Variants in SYT7 observed in about 807,000 individuals in gnomAD.
SYT7 encodes the protein synaptotagmin-7.
A neutral mutation model predicts 75.1 loss-of-function variants in SYT7; 29 were observed. The observed-to-expected ratio is 0.39, with a 90% CI of 0.29 to 0.53. The LOEUF (loss-of-function observed/expected upper bound fraction) is 0.53, where lower values mean the gene tolerates loss of function less well. Ranked by LOEUF, SYT7 falls within the 20% of genes least tolerant of loss-of-function variation. The pLI is 0.77. For synonymous variants in SYT7, 376 were observed against 401.7 expected (o/e 0.94, Z 0.76); for missense variants, 693 against 953.2 (o/e 0.73, Z 3.59).
At chr11:61,539,088 G>C (rs2062966470) in intron 6 of SYT7, among the ~76,000 whole-genome samples, 1 of 152,338 alleles carries the variant, frequency 6.6e-6, no homozygotes, top group East Asian at 1.9e-4. Context: ...TTGGAGAAGA[G>C]GTCCAGAAGG....
intron 6 of SYT7, chr11:61,540,379 G>A (rs913859244): frequency 6.4e-5 from 29 of 449,770 alleles, no homozygotes; most frequent in South Asian, 1.9e-4. Flanking sequence ...GGCAAATTAC[G>A]GCCCACGAGC....
At position 61,546,771 on chromosome 11, in the gene SYT7, C is replaced by A; in HGVS notation, c.347+406G>T. ...CACCACCGCCACGAACCACCGACCA[C>A]CGACCACCGACCACCGAGCAGCCAC... On this transcript the variant is annotated intron_variant, in intron 4 of 12. Coordinates refer to ENST00000539008, the MANE Select transcript of SYT7 (RefSeq NM_001365809.2). The surrounding 1 kb of genome is among the most constrained non-coding windows in gnomAD (Gnocchi z 7.6). The A allele has an allele frequency of 2.6e-6, 1 of 390,926 alleles. No individual in the cohort carries two copies. The highest frequency in any genetic ancestry group is 5.0e-6 in the Non-Finnish European group (1 of 200,028). The allele number at this position is 390,926 out of a possible 1,614,324, so 24.2% of individuals were successfully genotyped here.
At position 61,551,326 on chromosome 11, in the gene SYT7, C is replaced by A; in HGVS notation, c.215+58G>T. ...CTGTGGGGCTGGGGGAGAGAAGGGG[C>A]TCCTCCCACCTGGGCTGCTTGTGTG... On this transcript the variant is annotated intron_variant, in intron 3 of 12. Coordinates refer to ENST00000539008, the MANE Select transcript of SYT7 (RefSeq NM_001365809.2). The surrounding 1 kb of genome is among the most constrained non-coding windows in gnomAD (Gnocchi z 5.3). The A allele has an allele frequency of 6.5e-7, 1 of 1,530,036 alleles. No homozygotes were observed. The highest frequency in any genetic ancestry group is 9.0e-7 in the Non-Finnish European group (1 of 1,107,448). The allele number at this position is 1,530,036 out of a possible 1,614,324, so 94.8% of individuals were successfully genotyped here.
At chr11:61,566,831 T>C (rs1458390343) in intron 1 of SYT7, among the ~76,000 whole-genome samples, 1 of 152,228 alleles carries the variant, frequency 6.6e-6, no homozygotes, top group African/African-American at 2.4e-5. Context: ...GTATGCTATG[T>C]TTCATTTGAG....
At chr11:61,528,559 T>C (rs1420850963) in intron 8 of SYT7, among the ~76,000 whole-genome samples, 1 of 152,020 alleles carries the variant, frequency 6.6e-6, no homozygotes, top group African/African-American at 2.4e-5. Context: ...CCTCCCTGCC[T>C]TCTTGTGACA....
At position 61,542,374 on chromosome 11, in the gene SYT7, G is replaced by A; in HGVS notation, c.778C>T (p.Pro260Ser). 6.5e-6 allele frequency: 10 copies of A among 1,530,732 alleles called. No homozygotes were observed. Among genetic ancestry groups the A allele is most frequent in the South Asian group, 1.2e-5 (1 of 83,764 alleles). The allele number at this position is 1,530,732 out of a possible 1,614,324, so 94.8% of individuals were successfully genotyped here. A position where few individuals can be genotyped will look rare whatever the true frequency, so the allele number is the denominator to read the frequency against. The change falls in exon 6 of 13, where the codon CCA becomes TCA. Residue 260 changes from proline to serine, a missense_variant. By Grantham distance (74) the Pro-to-Ser change is moderately conservative. Around this residue, in one of 2 missense-constraint regions of SYT7, gnomAD observed 487 missense variants for 593.2 expected, o/e 0.82. Transcript: ENST00000539008. The surrounding 1 kb of genome is among the most constrained non-coding windows in gnomAD (Gnocchi z 7.8). ...CCATAGGCCCGGGGGTTGGGGCCTGGTGCCGAGGCCATGTGGGCCTGCAGC... is the reference window on the plus strand; with the variant it reads ...CCATAGGCCCGGGGGTTGGGGCCTGATGCCGAGGCCATGTGGGCCTGCAGC... ...GQLQAHMASAPGPNPRAYGRG... is the reference protein window; with the variant it reads ...GQLQAHMASASGPNPRAYGRG...
At chr11:61,534,761 C>T (rs774469693) in intron 7 of SYT7, among the ~76,000 whole-genome samples, 1 of 152,058 alleles carries the variant, frequency 6.6e-6, no homozygotes, top group African/African-American at 2.4e-5. Context: ...AACACGGAAA[C>T]GCCCACTCCA....
In SYT7 at chr11:61,563,843, C is replaced by G. The variant is rs2063702013; in HGVS notation, c.32-7636G>C. On this transcript the variant is annotated intron_variant, in intron 1 of 12. Transcript: ENST00000539008. ...TAATTAGCTCTTTCTGTGTCCTTCC[C>G]CAACTGGGAGCACCTAGAGGATTGA... Among the ~76,000 whole-genome samples the G allele has an allele frequency of 2.0e-5, 3 of 152,330 alleles. No homozygotes were observed. In the South Asian group the frequency reaches 6.2e-4, roughly 32 times the overall value.
At chr11:61,545,844 G>A (rs948076506) in intron 5 of SYT7, among the ~76,000 whole-genome samples, 187 bp downstream of exon 5, 6 of 152,234 alleles carry the variant, frequency 3.9e-5, no homozygotes. Context: ...ATGCATCACT[G>A]TATGGCTGAG....
intron 7 of SYT7, among the ~76,000 whole-genome samples, chr11:61,534,364 C>T (rs549471370): frequency 2.6e-5 from 4 of 152,168 alleles, no homozygotes; most frequent in South Asian, 2.1e-4. Flanking sequence ...GCAGGGTGCA[C>T]GTGCGCACAC....
In SYT7 at chr11:61,523,309, G is replaced by A. The variant is rs112158469; in HGVS notation, c.1757-35C>T. ...GGAGTGGGGAAGGGTTAGAGGGACCGTGGGGGAGGGACTTCCTAGGATCCT... is the reference window on the plus strand; with the variant it reads ...GGAGTGGGGAAGGGTTAGAGGGACCATGGGGGAGGGACTTCCTAGGATCCT... On this transcript the variant is annotated intron_variant, in intron 11 of 12. Transcript: ENST00000539008. This position sits in a 1 kb window ranked among gnomAD's most constrained non-coding sequence, Gnocchi z 5.0. The A allele has an allele frequency of 6.9e-3, 10,903 of 1,588,512 alleles. 212 individuals are homozygous for A. The highest frequency in any genetic ancestry group is 0.056 in the South Asian group (5,107 of 90,588).
intron 3 of SYT7, among the ~76,000 whole-genome samples, chr11:61,548,066 G>A (rs1448394285): frequency 1.3e-5 from 2 of 152,228 alleles, no homozygotes; most frequent in African/African-American, 4.8e-5. Flanking sequence ...GGGGATCTCA[G>A]CTGAGCTGGA....
chr11:61,535,835 A>C (rs1003059871), intron 7 of SYT7, among the ~76,000 whole-genome samples: 5 of 152,178 alleles, frequency 3.3e-5, no homozygotes, highest in Non-Finnish European at 7.4e-5. Flanking sequence ...TCAAGGGGTC[A>C]GCTGGGGAGG....
intron 1 of SYT7, among the ~76,000 whole-genome samples, chr11:61,568,970 C>T (rs1458382079): frequency 6.6e-6 from 1 of 152,176 alleles, no homozygotes; most frequent in Non-Finnish European, 1.5e-5. Flanking sequence ...CAGGCAAAGA[C>T]GGTGGGACAC....
At chr11:61,559,266 G>A (rs902531316) in intron 1 of SYT7, among the ~76,000 whole-genome samples, 5 of 152,298 alleles carry the variant, frequency 3.3e-5, no homozygotes, top group Admixed American at 1.3e-4. Flanking sequence ...CTGAGGAGGC[G>A]GTGTTTGGTG....
At chr11:61,584,003 C>T (rs992516212), upstream of SYT7, among the ~76,000 whole-genome samples, 3 of 152,232 alleles carry the variant, frequency 2.0e-5, no homozygotes, top group Admixed American at 6.5e-5. Flanking sequence ...CTCTGGGCCT[C>T]AGTTTCCTTG....
Position 61,556,338 on chromosome 11 carries a change from T to C in SYT7, c.32-131A>G, listed in dbSNP as rs1590917962. On this transcript the variant is annotated intron_variant, in intron 1 of 12. Coordinates refer to ENST00000539008, the MANE Select transcript of SYT7 (RefSeq NM_001365809.2). ...CACTGGGAGCTCTGAACCCAGGTTCTACTCCCAGTTCTGCCTTGCTGGATG... is the reference window on the plus strand; with the variant it reads ...CACTGGGAGCTCTGAACCCAGGTTCCACTCCCAGTTCTGCCTTGCTGGATG... The C allele has an allele frequency of 7.4e-6, 5 of 672,800 alleles. No homozygotes were observed. In the East Asian group the frequency reaches 1.4e-4, roughly 19 times the overall value. 41.7% of individuals were successfully genotyped at this position (672,800 alleles called of 1,614,324 possible).
At chr11:61,526,505 A>G (rs2062520703) in intron 9 of SYT7, 1 of 152,206 alleles carries the variant, frequency 6.6e-6, no homozygotes, top group South Asian at 2.1e-4. Flanking sequence ...AGCTCCTGTC[A>G]TGCTGTGTGT....
At position 61,519,525 on chromosome 11, in the gene SYT7, A is replaced by C. The variant is rs3019202; in HGVS notation, c.1957-794T>G. Among the ~76,000 whole-genome samples, 6 of 152,230 alleles carry C rather than the reference A, an allele frequency of 3.9e-5. No homozygotes were observed. In the South Asian group the frequency reaches 1.2e-3, roughly 32 times the overall value. On this transcript the variant is annotated intron_variant, in intron 12 of 12. Coordinates refer to ENST00000539008, the MANE Select transcript of SYT7 (RefSeq NM_001365809.2). ...AATGGGAAAGACTGAGAAACTGTCAAGGGCCAGAGGGGACAGGGGAGACAT... is the reference window on the plus strand; with the variant it reads ...AATGGGAAAGACTGAGAAACTGTCACGGGCCAGAGGGGACAGGGGAGACAT...
Sources: gnomAD v4.1 joint callset for allele counts (sites outside exome capture counted in the v4.1 genomes callset) on GRCh38, gnomAD v4.1.1 for gene constraint, gnomAD v4.1.1 regional missense constraint, Gnocchi (gnomAD v3.1) non-coding constraint, MANE v1.5 for transcripts, NCBI Gene and HGNC (gene_info 2026-07-23, HGNC 2026-07-21) for gene names.